The following MYO1H variants were observed in gnomAD, a reference collection of about 807,000 sequenced individuals.
MYO1H encodes myosin IH, also known as unconventional myosin-Ih.
A neutral mutation model predicts 149.3 loss-of-function variants in MYO1H; 118 were observed. The observed-to-expected ratio is 0.79, with a 90% confidence interval of 0.68 to 0.92. The LOEUF is 0.92. MYO1H is among the 40% of genes least tolerant of loss of function. The pLI, the probability that MYO1H is intolerant of heterozygous loss-of-function variation, is 0.00. For synonymous variants in MYO1H, 447 were observed against 465.2 expected, an observed-to-expected ratio of 0.96 and a Z score of 0.50; for missense variants, 1,212 against 1,280.7, an observed-to-expected ratio of 0.95 and a Z score of 0.82.
chr12:109,341,438 G>A, the MYO1H span, among the ~76,000 whole-genome samples: 1 of 152,208 alleles, frequency 6.6e-6, no homozygotes, highest in South Asian at 2.1e-4. Flanking sequence ...TAGCAATCGT[G>A]GAAATAAATG....
chr12:109,329,007 AAAAT>A, the MYO1H span, among the ~76,000 whole-genome samples: 1 of 151,516 alleles, frequency 6.6e-6, no homozygotes, highest in Non-Finnish European at 1.5e-5. Flanking sequence ...AGCTCCCAGT[AAAAT>A]AAAATCAGTT....
At chr12:109,419,505 T>A (rs540915127) in intron 15 of MYO1H, among the ~76,000 whole-genome samples, 1 of 151,840 alleles carries the variant, frequency 6.6e-6, no homozygotes, top group African/African-American at 2.4e-5. Flanking sequence ...TATGCCACCA[T>A]TTTTTTTCTT....
intron 19 of MYO1H, among the ~76,000 whole-genome samples, chr12:109,432,510 C>A (rs1871674199): frequency 6.6e-6 from 1 of 152,188 alleles, no homozygotes; most frequent in African/African-American, 2.4e-5. Context: ...TTGTTTCCAC[C>A]TTTTGGCTAT....
At chr12:109,386,995 CGTGTGTGTGT>C (rs55675476) in intron 1 of MYO1H, among the ~76,000 whole-genome samples, 2,591 of 141,170 alleles carry the variant, frequency 0.018, 57 homozygotes, top group African/African-American at 0.057. Flanking sequence ...ATCTCAAGTT[CGTGTGTGTGT>C]GTGTGTGTGT....
chr12:109,316,597 T>TCAC, the MYO1H span, among the ~76,000 whole-genome samples: 5 of 152,214 alleles, frequency 3.3e-5, no homozygotes, highest in African/African-American at 4.8e-5. Flanking sequence ...AAAAATCATT[T>TCAC]AGTGTGAAAT....
At chr12:109,403,615 T>C (rs1170852694) in intron 6 of MYO1H, among the ~76,000 whole-genome samples, 4 of 152,236 alleles carry the variant, frequency 2.6e-5, no homozygotes, top group Admixed American at 1.3e-4. Flanking sequence ...GTCAGGAGTT[T>C]CTGATTTTAA....
the MYO1H span, among the ~76,000 whole-genome samples, chr12:109,339,549 A>G: frequency 6.6e-6 from 1 of 152,228 alleles, no homozygotes; most frequent in Admixed American, 6.5e-5. Flanking sequence ...AAAATCCTAA[A>G]TAATGTTGAA....
intron 1 of MYO1H, among the ~76,000 whole-genome samples, chr12:109,351,141 A>G (rs1459850026): frequency 1.3e-5 from 2 of 152,230 alleles, no homozygotes; most frequent in African/African-American, 4.8e-5. Context: ...TGGGTTCAGC[A>G]CATAACTGGG....
chr12:109,361,693 C>T (rs1049601563), intron 1 of MYO1H, among the ~76,000 whole-genome samples: 3 of 151,746 alleles, frequency 2.0e-5, no homozygotes, highest in Admixed American at 1.3e-4. Context: ...CTGCATGGTC[C>T]CAGCTACTTG....
At chr12:109,392,365 C>T (rs1341026263) in intron 2 of MYO1H, among the ~76,000 whole-genome samples, 1 of 152,196 alleles carries the variant, frequency 6.6e-6, no homozygotes, top group Non-Finnish European at 1.5e-5. Context: ...AATGCCCTTC[C>T]TGCCTACTTT....
Position 109,383,944 on chromosome 12 carries a change from A to G in MYO1H, c.13-4739A>G, listed in dbSNP as rs561800528. On this transcript the variant is annotated intron_variant, in intron 1 of 31. Coordinates refer to ENST00000310903, the Ensembl canonical transcript of MYO1H. ...TGGTTCTGGTTTGAGTGTTTCCTTG[A>G]ATCCCCTGCTTTTAGATGAGCAACA... is the stretch of plus-strand genomic sequence containing the variant. Among the ~76,000 whole-genome samples, 12 of 152,318 alleles carry G rather than the reference A, an allele frequency of 7.9e-5. No individual in the cohort carries two copies. The South Asian group carries it at 2.5e-3, about 32-fold the overall frequency.
At chr12:109,313,285 G>A in the MYO1H span, among the ~76,000 whole-genome samples, 1 of 152,092 alleles carries the variant, frequency 6.6e-6, no homozygotes, top group African/African-American at 2.4e-5. Context: ...AGTTCTCACA[G>A]GAGAGTTTAT....
chr12:109,412,018 G>T, intron 14 of MYO1H, 33 bp downstream of exon 14: 1 of 1,442,712 alleles, frequency 6.9e-7, no homozygotes, highest in East Asian at 2.5e-5. Flanking sequence ...TTTTGCATGG[G>T]GGAAGATGAT....
At chr12:109,427,714 A>T in intron 19 of MYO1H, 128 bp downstream of exon 19, 1 of 647,596 alleles carries the variant, frequency 1.5e-6, no homozygotes. Context: ...TGCTGTAGTT[A>T]TGACAGCTAA....
chr12:109,341,047 A>G, the MYO1H span, among the ~76,000 whole-genome samples: 3 of 151,932 alleles, frequency 2.0e-5, no homozygotes, highest in East Asian at 3.9e-4. Flanking sequence ...AATTAGCCAT[A>G]TGTGGTGGCG....
intron 1 of MYO1H, among the ~76,000 whole-genome samples, chr12:109,388,006 C>T (rs947537601): frequency 1.3e-5 from 2 of 152,190 alleles, no homozygotes; most frequent in African/African-American, 4.8e-5. Context: ...GCTGTAGCCA[C>T]ACCTTCTCCA....
At chr12:109,440,566 C>T (rs1872074095) in intron 24 of MYO1H, 178 bp from the exon 25 acceptor site, 4 of 576,492 alleles carry the variant, frequency 6.9e-6, no homozygotes, top group Non-Finnish European at 1.3e-5. Context: ...CGTTAAGCAA[C>T]AGCAAAAAGT....
Position 109,434,926 on chromosome 12 carries a change from G to A in MYO1H, c.2064-111G>A, listed in dbSNP as rs553811341. On this transcript the variant is annotated intron_variant, in intron 20 of 31. Transcript: ENST00000310903. ...ATCTGCAAACACTATTTCCAAATAAGATGGTATTCTGAGGTTCTGAGTGGA... is the reference window on the plus strand; with the variant it reads ...ATCTGCAAACACTATTTCCAAATAAAATGGTATTCTGAGGTTCTGAGTGGA... 4 of 635,888 alleles carry A rather than the reference G, an allele frequency of 6.3e-6. No homozygotes were observed. The African/African-American group carries it at 7.3e-5, about 12-fold the overall frequency. 39.4% of individuals were successfully genotyped at this position (635,888 alleles called of 1,614,324 possible). A position where few individuals can be genotyped will look rare whatever the true frequency, so the allele number is the denominator to read the frequency against.
chr12:109,381,929 G>C (rs1869213053), intron 1 of MYO1H, among the ~76,000 whole-genome samples: 1 of 152,164 alleles, frequency 6.6e-6, no homozygotes, highest in South Asian at 2.1e-4. Flanking sequence ...GGAAGCAGTG[G>C]AACCAACTCA....
Sources: allele counts gnomAD v4.1 joint callset (sites outside exome capture counted in the v4.1 genomes callset), GRCh38; gene constraint gnomAD v4.1.1; transcripts MANE v1.5; gene names NCBI Gene and HGNC (gene_info 2026-07-23, HGNC 2026-07-21).